CRIM1: variants seen among roughly 807,000 people sequenced by gnomAD.
CRIM1 encodes the protein cysteine-rich motor neuron 1 protein.
CRIM1 carries 32 observed loss-of-function variants against 116.4 expected under a neutral mutation model. The ratio of observed to expected loss-of-function variants is 0.27; its 90% CI spans 0.21 to 0.37. The LOEUF is 0.37. CRIM1 is among the 10% of genes least tolerant of loss of function. The pLI is 1.00. For missense variants in CRIM1, 1,331 were observed against 1,354.8 expected, an observed-to-expected ratio of 0.98 and a Z score of 0.28; for synonymous variants, 590 against 509.2, an observed-to-expected ratio of 1.16 and a Z score of -2.13.
At chr2:36,365,890 C>T (rs755164974) in intron 1 of CRIM1, among the ~76,000 whole-genome samples, 2 of 152,144 alleles carry the variant, frequency 1.3e-5, no homozygotes, top group Non-Finnish European at 2.9e-5. Flanking sequence ...TGTGCCACCA[C>T]GCCCAACTAC....
At chr2:36,390,638 C>T (rs1000300955) in intron 1 of CRIM1, among the ~76,000 whole-genome samples, 7 of 151,952 alleles carry the variant, frequency 4.6e-5, no homozygotes, top group African/African-American at 1.7e-4. Flanking sequence ...CCAGCCTTCT[C>T]ATTTCTGCTT....
intron 2 of CRIM1, among the ~76,000 whole-genome samples, chr2:36,403,533 A>C (rs1672568632): frequency 6.6e-6 from 1 of 152,152 alleles, no homozygotes; most frequent in Admixed American, 6.6e-5. Flanking sequence ...GCAGAAGGGA[A>C]GGAGAGTTTA....
intron 4 of CRIM1, among the ~76,000 whole-genome samples, chr2:36,457,191 G>A (rs1214168707): frequency 6.6e-6 from 1 of 151,952 alleles, no homozygotes; most frequent in Non-Finnish European, 1.5e-5. Context: ...GAAACAGGTA[G>A]TATTTGGTTA....
Position 36,548,788 on chromosome 2 carries a change from G to C in CRIM1, c.*87G>C. On this transcript the variant is annotated 3_prime_UTR_variant, in exon 17 of 17. Coordinates refer to ENST00000280527, the MANE Select transcript of CRIM1 (RefSeq NM_016441.3). Reference sequence around the variant, plus strand: ...AAACTAGAATTTGTGCACTTGCTTAGTGGATTGTATTGGATTGTGACTTGA... The same window carrying C: ...AAACTAGAATTTGTGCACTTGCTTACTGGATTGTATTGGATTGTGACTTGA... 3.5e-6 allele frequency: 4 copies of C among 1,151,516 alleles called. No individual in the cohort carries two copies. The highest frequency in any genetic ancestry group is 4.9e-6 in the Non-Finnish European group (4 of 808,150). 71.3% of individuals were successfully genotyped at this position (1,151,516 alleles called of 1,614,324 possible). A position where few individuals can be genotyped will look rare whatever the true frequency, so the allele number is the denominator to read the frequency against.
intron 7 of CRIM1, among the ~76,000 whole-genome samples, chr2:36,482,763 A>G (rs1679518293): frequency 6.6e-6 from 1 of 152,208 alleles, no homozygotes; most frequent in African/African-American, 2.4e-5. Context: ...TCAGAGTATG[A>G]AATTAGATGA....
At chr2:36,404,927 A>G (rs905780363) in intron 2 of CRIM1, among the ~76,000 whole-genome samples, 2 of 152,158 alleles carry the variant, frequency 1.3e-5, no homozygotes, top group African/African-American at 2.4e-5. Context: ...TTAGTTTTTT[A>G]CATTTCACTT....
At chr2:36,528,211 C>T (rs1357111235) in intron 13 of CRIM1, among the ~76,000 whole-genome samples, 6 of 152,154 alleles carry the variant, frequency 3.9e-5, no homozygotes, top group South Asian at 2.1e-4. Flanking sequence ...TTAAATGTAG[C>T]GTCTGGCTTT....
At chr2:36,446,972 G>A (rs1372620909) in intron 4 of CRIM1, among the ~76,000 whole-genome samples, 3 of 152,206 alleles carry the variant, frequency 2.0e-5, no homozygotes, top group Admixed American at 6.5e-5. Flanking sequence ...ATACATTAAT[G>A]CAAATTATTT....
intron 12 of CRIM1, among the ~76,000 whole-genome samples, chr2:36,520,829 T>G (rs1665338281): frequency 6.6e-6 from 1 of 152,234 alleles, no homozygotes; most frequent in Admixed American, 6.5e-5. Flanking sequence ...CATGTAGAGC[T>G]TCTGGATCAT....
chr2:36,524,469 A>G (rs1462862970), intron 13 of CRIM1, among the ~76,000 whole-genome samples: 1 of 152,158 alleles, frequency 6.6e-6, no homozygotes, highest in Non-Finnish European at 1.5e-5. Context: ...CAGAGGTACA[A>G]GTGCAGTAAA....
At chr2:36,430,333 A>G (rs997097287) in intron 2 of CRIM1, among the ~76,000 whole-genome samples, 1 of 152,162 alleles carries the variant, frequency 6.6e-6, no homozygotes, top group Admixed American at 6.5e-5. Context: ...CCAAGAATAT[A>G]AGTACCTATT....
At chr2:36,438,036 A>G (rs1675462921) in intron 2 of CRIM1, among the ~76,000 whole-genome samples, 1 of 151,764 alleles carries the variant, frequency 6.6e-6, no homozygotes, top group Admixed American at 6.6e-5. Flanking sequence ...GGAGGCTGGG[A>G]CAGAAAAATT....
At chr2:36,401,957 G>A (rs1672437801) in intron 2 of CRIM1, among the ~76,000 whole-genome samples, 2 of 150,428 alleles carry the variant, frequency 1.3e-5, no homozygotes, top group African/African-American at 5.0e-5. Flanking sequence ...CTCTAGCATG[G>A]AGACACTTTC....
At chr2:36,544,145 G>A (rs1171668176) in intron 14 of CRIM1, among the ~76,000 whole-genome samples, 2 of 152,132 alleles carry the variant, frequency 1.3e-5, no homozygotes, top group East Asian at 3.8e-4. Context: ...TTTTGACCCT[G>A]GTGGAGTAGA....
chr2:36,384,207 G>C (rs1034242587), intron 1 of CRIM1, among the ~76,000 whole-genome samples: 6 of 152,248 alleles, frequency 3.9e-5, no homozygotes, highest in Non-Finnish European at 7.3e-5. Context: ...CCTGGAGTAG[G>C]ATGTTCCAGA....
chr2:36,512,483 C>A, intron 10 of CRIM1, 89 bp downstream of exon 10: 1 of 1,412,262 alleles, frequency 7.1e-7, no homozygotes, highest in African/African-American at 1.4e-5. Flanking sequence ...GAAATGGTTT[C>A]GGTGGTTGCT....
rs188908715 is a variant in CRIM1, at chr2:36,418,970, C to T, written c.505+22183C>T. 1.1e-4 allele frequency among the ~76,000 whole-genome samples: 17 copies of T among 152,290 alleles called. No individual in the cohort carries two copies. The East Asian group carries it at 3.3e-3, about 29-fold the overall frequency. ...CCAGGCTGTATAGGTTCTGTCTCCT[C>T]TTCTCCTCCCACTGCCTTCCCCACT... On this transcript the variant is annotated intron_variant, in intron 2 of 16. Transcript: ENST00000280527.
At chr2:36,359,626 A>G (rs1558496139) in intron 1 of CRIM1, among the ~76,000 whole-genome samples, 3 of 152,214 alleles carry the variant, frequency 2.0e-5, no homozygotes, top group African/African-American at 7.2e-5. Flanking sequence ...TTTCTGAATG[A>G]TTAAATAATG....
chr2:36,385,199 T>G (rs1361417826), intron 1 of CRIM1, among the ~76,000 whole-genome samples: 1 of 152,206 alleles, frequency 6.6e-6, no homozygotes, highest in Non-Finnish European at 1.5e-5. Context: ...ATCGTTGGAA[T>G]TTATGTCACT....
Sources: gnomAD v4.1 joint callset for allele counts (sites outside exome capture counted in the v4.1 genomes callset) on GRCh38, gnomAD v4.1.1 for gene constraint, MANE v1.5 for transcripts, NCBI Gene and HGNC (gene_info 2026-07-23, HGNC 2026-07-21) for gene names.